Variants in CYTH4 observed in about 807,000 individuals in gnomAD.
The protein encoded by CYTH4 is cytohesin-4.
CYTH4 carries 22 observed loss-of-function variants against 57.5 expected under a neutral mutation model. The ratio of observed to expected loss-of-function variants is 0.38; its 90% CI spans 0.27 to 0.55. The LOEUF (loss-of-function observed/expected upper bound fraction) is 0.55. Among genes scored for constraint, CYTH4 ranks in the 20% least tolerant of loss-of-function variants. The pLI is 0.74. For missense variants in CYTH4, 420 were observed against 535.6 expected, an observed-to-expected ratio of 0.78 and a Z score of 2.13; for synonymous variants, 186 against 206.5, an observed-to-expected ratio of 0.90 and a Z score of 0.85.
intron 6 of CYTH4, 37 bp downstream of exon 6, chr22:37,299,343 G>C (rs370207484): frequency 6.3e-7 from 1 of 1,585,138 alleles, no homozygotes; most frequent in African/African-American, 1.3e-5. Flanking sequence ...GCCCTCAAGG[G>C]TGGCACAGCC....
At chr22:37,289,100 T>G (rs912787477) in intron 1 of CYTH4, among the ~76,000 whole-genome samples, 1 of 152,204 alleles carries the variant, frequency 6.6e-6, no homozygotes, top group African/African-American at 2.4e-5. Context: ...TTTCATGGAA[T>G]CAGTTTGCCC....
rs1326840202 is a variant in CYTH4, at chr22:37,314,565, C to T, written c.*1054C>T. On this transcript the variant is annotated 3_prime_UTR_variant, in exon 13 of 13. Transcript: ENST00000248901. ...CATGGCTTTCCTGCAAGACCACTGA[C>T]GAGCAGTCCCATGGTGATAAAGGGC... 1.5e-5 allele frequency: 6 copies of T among 396,678 alleles called. No homozygotes were observed. Among genetic ancestry groups the T allele is most frequent in the East Asian group, 7.1e-5 (2 of 28,022 alleles). The allele number at this position is 396,678 out of a possible 1,614,324, so 24.6% of individuals were successfully genotyped here.
intron 7 of CYTH4, among the ~76,000 whole-genome samples, chr22:37,302,523 A>C (rs1435216649): frequency 6.6e-6 from 1 of 152,238 alleles, no homozygotes; most frequent in Non-Finnish European, 1.5e-5. Flanking sequence ...CTGCTATCAG[A>C]GATGGAAACA....
Position 37,285,870 on chromosome 22 carries a change from AC to A in CYTH4, c.19+3285del, listed in dbSNP as rs543360801. Reference sequence around the variant, plus strand: ...ACACAGCAAGCCCGGGGCCATCATCACCCTCATGTGGGTTCAGATGCTTTGA... The same window carrying A: ...ACACAGCAAGCCCGGGGCCATCATCACCTCATGTGGGTTCAGATGCTTTGA... On this transcript the variant is annotated intron_variant, in intron 1 of 12. Coordinates refer to ENST00000248901, the MANE Select transcript of CYTH4 (RefSeq NM_013385.5). 4.0e-3 allele frequency among the ~76,000 whole-genome samples: 601 copies of A among 152,124 alleles called. 3 individuals are homozygous for A. Among genetic ancestry groups the A allele is most frequent in the African/African-American group, 0.012 (513 of 41,464 alleles).
At chr22:37,293,914 G>A (rs1486075700) in intron 2 of CYTH4, among the ~76,000 whole-genome samples, 1 of 151,892 alleles carries the variant, frequency 6.6e-6, no homozygotes. Context: ...GTCCTCTTCT[G>A]TAAAGTCCAG....
At chr22:37,288,583 CA>C (rs35788749) in intron 1 of CYTH4, among the ~76,000 whole-genome samples, 193 of 141,728 alleles carry the variant, frequency 1.4e-3, no homozygotes, top group African/African-American at 3.5e-3. Context: ...AAGACTGTCT[CA>C]AAAAAAAAAA....
At chr22:37,300,269 G>C (rs1007877780) in intron 6 of CYTH4, 2 of 715,102 alleles carry the variant, frequency 2.8e-6, no homozygotes, top group Non-Finnish European at 5.2e-6. Flanking sequence ...TTAAGGGAGA[G>C]GGGTAGGTGA....
intron 12 of CYTH4, among the ~76,000 whole-genome samples, chr22:37,312,983 G>C (rs1210836914): frequency 6.6e-6 from 1 of 152,232 alleles, no homozygotes; most frequent in African/African-American, 2.4e-5. Flanking sequence ...GAGCCTGTGA[G>C]GCTGCCAGGC....
intron 1 of CYTH4, among the ~76,000 whole-genome samples, chr22:37,290,283 C>G (rs1341425119): frequency 1.3e-5 from 2 of 152,170 alleles, no homozygotes; most frequent in Non-Finnish European, 2.9e-5. Context: ...CAACAATCCT[C>G]AGAATGTTTG....
At chr22:37,312,561 G>A (rs560794729) in intron 12 of CYTH4, among the ~76,000 whole-genome samples, 14 of 152,202 alleles carry the variant, frequency 9.2e-5, no homozygotes, top group South Asian at 4.1e-4. Context: ...AAAAGGACCC[G>A]GACCCATGTG....
chr22:37,313,592 A>G lies in CYTH4; in HGVS notation c.*81A>G. 3 of 1,280,986 alleles carry G rather than the reference A, an allele frequency of 2.3e-6. No homozygotes were observed. The South Asian group carries it at 3.6e-5, about 15-fold the overall frequency. The allele number at this position is 1,280,986 out of a possible 1,614,324, so 79.4% of individuals were successfully genotyped here. A position where few individuals can be genotyped will look rare whatever the true frequency, so the allele number is the denominator to read the frequency against. On this transcript the variant is annotated 3_prime_UTR_variant, in exon 13 of 13. Transcript: ENST00000248901. ...CACCTGGAGACCCACCTCCCACCCC[A>G]GTGCACTCTTTTGGGCCACAGACAT... is the stretch of plus-strand genomic sequence containing the variant.
chr22:37,294,945 C>T (rs111962636), intron 3 of CYTH4, among the ~76,000 whole-genome samples: 2,217 of 152,288 alleles, frequency 0.015, 47 homozygotes, highest in African/African-American at 0.049. Flanking sequence ...AGAGACACTG[C>T]GTCCTCCCCT....
At position 37,292,627 on chromosome 22, in the gene CYTH4, C is replaced by G. The variant is rs373346288; in HGVS notation, c.26C>G (p.Ala9Gly). 180 of 1,613,636 alleles carry G rather than the reference C, an allele frequency of 1.1e-4. No individual in the cohort carries two copies. The highest frequency in any genetic ancestry group is 1.5e-4 in the Non-Finnish European group (179 of 1,179,924). ...GCCGGTTGTCTCTCTGTAGAGCCCG[C>G]GGAGCTGAGCAGCGGGGAGACGGAA... MDLCHPEP[A>G]ELSSGETEEL... The change falls in exon 2 of 13, where the codon GCG becomes GGG. Residue 9 changes from alanine to glycine, a missense_variant. Transcript: ENST00000248901.
Position 37,311,112 on chromosome 22 carries a change from A to G in CYTH4, c.885+48A>G. ...TTCCCCTGCCCCCGCCTCTCCCCGC[A>G]CAACCCACTTCCCAACTCCCACTGA... is the stretch of plus-strand genomic sequence containing the variant. On this transcript the variant is annotated intron_variant, in intron 10 of 12. Transcript: ENST00000248901. This position sits in a 1 kb window ranked among gnomAD's most constrained non-coding sequence, Gnocchi z 4.4. The G allele has an allele frequency of 6.3e-7, 1 of 1,598,752 alleles. No individual in the cohort carries two copies. Among genetic ancestry groups the G allele is most frequent in the South Asian group, 1.1e-5 (1 of 90,616 alleles).
At chr22:37,293,442 G>A (rs915318413) in intron 2 of CYTH4, among the ~76,000 whole-genome samples, 7 of 152,216 alleles carry the variant, frequency 4.6e-5, no homozygotes, top group East Asian at 1.9e-4. Context: ...ACACAGAGCC[G>A]AGGTCTGTCT....
rs74705816 is a variant in CYTH4 at position 37,304,396 on chromosome 22, G to C, written c.696+994G>C. The C allele has an allele frequency of 9.1e-3, 3,659 of 400,496 alleles. 125 individuals carry two copies. Among genetic ancestry groups the C allele is most frequent in the African/African-American group, 0.072 (3,437 of 48,042 alleles). The allele number at this position is 400,496 out of a possible 1,614,324, so 24.8% of individuals were successfully genotyped here. A position where few individuals can be genotyped will look rare whatever the true frequency, so the allele number is the denominator to read the frequency against. The stretch of plus-strand genomic sequence containing the variant: ...TTTCCTATGGGCCACAGGGAGCCAG[G>C]GGGTATTCATAAGAACAGGAAGGAG... On this transcript the variant is annotated intron_variant, in intron 8 of 12. Coordinates refer to ENST00000248901, the MANE Select transcript of CYTH4 (RefSeq NM_013385.5).
In CYTH4 at chr22:37,298,633, G is replaced by A. The variant is rs1929062397; in HGVS notation, c.354-593G>A. On this transcript the variant is annotated intron_variant, in intron 5 of 12. Coordinates refer to ENST00000248901, the MANE Select transcript of CYTH4 (RefSeq NM_013385.5). This position sits in a 1 kb window ranked among gnomAD's most constrained non-coding sequence, Gnocchi z 4.1. Reference sequence around the variant, plus strand: ...GACGGGAGGAGAGAGGAAGGATATTGTGGGCGAGGAGGTGGGGATCTGTGG... The same window carrying A: ...GACGGGAGGAGAGAGGAAGGATATTATGGGCGAGGAGGTGGGGATCTGTGG... 6.6e-6 allele frequency among the ~76,000 whole-genome samples: 1 copy of A among 152,112 alleles called. No individual in the cohort carries two copies. Among genetic ancestry groups the A allele is most frequent in the Non-Finnish European group, 1.5e-5 (1 of 68,020 alleles).
chr22:37,303,618 A>G (rs1394513625), intron 8 of CYTH4, among the ~76,000 whole-genome samples: 1 of 152,186 alleles, frequency 6.6e-6, no homozygotes, highest in Non-Finnish European at 1.5e-5. Flanking sequence ...CCATCTTGAG[A>G]AGGATGTCCG....
chr22:37,305,269 T>G (rs550790979), intron 8 of CYTH4, among the ~76,000 whole-genome samples: 1 of 152,358 alleles, frequency 6.6e-6, no homozygotes, highest in South Asian at 2.1e-4. Context: ...TGTATGGAAC[T>G]TGTAAGTTTC....
Sources: allele counts gnomAD v4.1 joint callset (sites outside exome capture counted in the v4.1 genomes callset), GRCh38; gene constraint gnomAD v4.1.1; non-coding constraint Gnocchi (gnomAD v3.1); transcripts MANE v1.5; gene names NCBI Gene and HGNC (gene_info 2026-07-23, HGNC 2026-07-21).